Variants in TMEM38A observed in about 807,000 individuals in gnomAD.
TMEM38A encodes trimeric intracellular cation channel type A.
Under a neutral mutation model 28.6 loss-of-function variants are expected in TMEM38A, and 17 were observed. That is an observed-to-expected ratio of 0.60 (90% CI 0.41 to 0.89). The LOEUF is 0.89. Among genes scored for constraint, TMEM38A ranks in the 40% least tolerant of loss-of-function variants. TMEM38A has a pLI of 0.00. For missense variants in TMEM38A, 328 were observed against 393.1 expected (o/e 0.83, Z 1.40); for synonymous variants, 169 against 166.1 (o/e 1.02, Z -0.14).
intron 1 of TMEM38A, among the ~76,000 whole-genome samples, chr19:16,673,324 C>G (rs532612143): frequency 6.6e-6 from 1 of 152,152 alleles, no homozygotes; most frequent in South Asian, 2.1e-4. Flanking sequence ...TCAAGTGATC[C>G]GCCTGCCTTG....
intron 1 of TMEM38A, among the ~76,000 whole-genome samples, chr19:16,670,715 G>T (rs1030676355): frequency 1.3e-5 from 2 of 152,214 alleles, no homozygotes; most frequent in East Asian, 1.9e-4. Context: ...GAGGAAGGTG[G>T]ATCACCTGAG....
At chr19:16,686,166 A>G in intron 4 of TMEM38A, 122 bp from the exon 5 acceptor site, 1 of 669,944 alleles carries the variant, frequency 1.5e-6, no homozygotes, top group Non-Finnish European at 2.5e-6. Flanking sequence ...CCATCTCAAA[A>G]GGAAAAGAAA....
intron 4 of TMEM38A, among the ~76,000 whole-genome samples, chr19:16,685,945 T>C (rs1372327453): frequency 6.6e-6 from 1 of 152,164 alleles, no homozygotes; most frequent in Non-Finnish European, 1.5e-5. Flanking sequence ...AGCAGATCAC[T>C]TGAGGCCAGG....
chr19:16,679,836 C>T, intron 1 of TMEM38A, 148 bp from the exon 2 acceptor site: 1 of 786,280 alleles, frequency 1.3e-6, no homozygotes, highest in South Asian at 2.3e-5. Context: ...CGTACAGCCT[C>T]TCTGAACCTT....
At chr19:16,668,641 A>AC (rs2086713743) in intron 1 of TMEM38A, among the ~76,000 whole-genome samples, 1 of 151,836 alleles carries the variant, frequency 6.6e-6, no homozygotes. Context: ...CACCCGGCCA[A>AC]CCACTGATCT....
chr19:16,679,275 GTGTGTGT>G, intron 1 of TMEM38A, among the ~76,000 whole-genome samples: 1 of 140,410 alleles, frequency 7.1e-6, no homozygotes. Flanking sequence ...GTGTGTGTGT[GTGTGTGT>G]GTGTGTGTGT....
chr19:16,683,939 C>T (rs1375658835), intron 4 of TMEM38A, among the ~76,000 whole-genome samples: 2 of 150,234 alleles, frequency 1.3e-5, no homozygotes, highest in East Asian at 2.0e-4. Flanking sequence ...TATTGCACTC[C>T]AGCCTGGGCA....
Position 16,680,081 on chromosome 19 carries a change from G to A in TMEM38A, c.222G>A (p.Gly74=). 6.2e-7 allele frequency: 1 copy of A among 1,611,400 alleles called. No individual in the cohort carries two copies. The part of the protein sequence containing the change: ...GSYILADLLL[G]EPLIDYFSNN... ...ACATCCTGGCTGATCTGCTCCTTGGGGAGCCACTGATCGATTACTTCAGCA... is the reference window on the plus strand; with the variant it reads ...ACATCCTGGCTGATCTGCTCCTTGGAGAGCCACTGATCGATTACTTCAGCA... Residue 74 remains glycine (G), a synonymous_variant, in exon 2 of 6, where the codon GGG becomes GGA. Transcript: ENST00000187762.
intron 1 of TMEM38A, among the ~76,000 whole-genome samples, chr19:16,665,891 C>A (rs1016996837): frequency 1.3e-5 from 2 of 151,768 alleles, no homozygotes; most frequent in South Asian, 4.2e-4. Context: ...TCACTGCAAC[C>A]TTCACCTCCC....
intron 3 of TMEM38A, among the ~76,000 whole-genome samples, chr19:16,681,345 G>A (rs1026085388): frequency 2.0e-5 from 3 of 152,028 alleles, no homozygotes; most frequent in East Asian, 3.8e-4. Context: ...AATAAAGAAC[G>A]TTTTATAATG....
In TMEM38A at chr19:16,680,532, C is replaced by G; in HGVS notation, c.417C>G (p.His139Gln). Residue 139 changes from histidine (H) to glutamine (Q), a missense_variant, in exon 3 of 6, where the codon CAC becomes CAG. His to Gln is a conservative substitution (Grantham distance 24). Coordinates refer to ENST00000187762, the MANE Select transcript of TMEM38A (RefSeq NM_024074.4). ...KIAVGIHHAH[H>Q]HYHHGWFVMI... ...CGGTGGGCATCCATCACGCCCATCA[C>G]CACTACCACCACGGGTGGTTCGTCA... 6.2e-7 allele frequency: 1 copy of G among 1,614,174 alleles called. No homozygotes were observed. Among genetic ancestry groups the G allele is most frequent in the Non-Finnish European group, 8.5e-7 (1 of 1,180,016 alleles).
intron 3 of TMEM38A, among the ~76,000 whole-genome samples, chr19:16,681,851 T>A (rs1278779012): frequency 6.6e-6 from 1 of 152,198 alleles, no homozygotes; most frequent in East Asian, 1.9e-4. Context: ...GGCACCCAGT[T>A]GGTGCAGCAG....
intron 1 of TMEM38A, among the ~76,000 whole-genome samples, chr19:16,670,418 G>T (rs1290271318): frequency 6.6e-6 from 1 of 151,954 alleles, no homozygotes; most frequent in African/African-American, 2.4e-5. Flanking sequence ...GGGATTACAG[G>T]CATGAGCTAC....
At position 16,688,140 on chromosome 19, in the gene TMEM38A, T is replaced by C. The variant is rs767158222; in HGVS notation, c.673-4T>C. 1 of 1,436,392 alleles carries C rather than the reference T, an allele frequency of 7.0e-7. No homozygotes were observed. The highest frequency in any genetic ancestry group is 9.2e-7 in the Non-Finnish European group (1 of 1,086,654). 89.0% of individuals were successfully genotyped at this position (1,436,392 alleles called of 1,614,324 possible). ...TTGCTGTCTCCCTGGCCACCCCACC[T>C]CAGGTGTTTCTGACAGCCACCCACT... On this transcript the variant is annotated splice_polypyrimidine_tract_variant and splice_region_variant and intron_variant, in intron 5 of 5. Transcript: ENST00000187762.
chr19:16,680,076 C>T lies in TMEM38A; in HGVS notation c.217C>T (p.Leu73Phe), dbSNP rs977056636. 6.2e-7 allele frequency: 1 copy of T among 1,611,494 alleles called. No individual in the cohort carries two copies. Among genetic ancestry groups the T allele is most frequent in the African/African-American group, 1.3e-5 (1 of 75,068 alleles). Reference sequence around the variant, plus strand: ...GAGCTACATCCTGGCTGATCTGCTCCTTGGGGAGCCACTGATCGATTACTT... The same window carrying T: ...GAGCTACATCCTGGCTGATCTGCTCTTTGGGGAGCCACTGATCGATTACTT... ...FGSYILADLL[L>F]GEPLIDYFSN... Residue 73 changes from leucine (L) to phenylalanine (F), a missense_variant, in exon 2 of 6, where the codon CTT becomes TTT. Coordinates refer to ENST00000187762, the MANE Select transcript of TMEM38A (RefSeq NM_024074.4).
intron 1 of TMEM38A, among the ~76,000 whole-genome samples, chr19:16,669,358 C>T (rs1568313269): frequency 6.6e-6 from 1 of 151,534 alleles, no homozygotes; most frequent in Non-Finnish European, 1.5e-5. Context: ...AGGTGCCCGC[C>T]ACCATGCCCA....
At chr19:16,667,435 G>A (rs556872737) in intron 1 of TMEM38A, among the ~76,000 whole-genome samples, 2 of 152,328 alleles carry the variant, frequency 1.3e-5, no homozygotes, top group South Asian at 2.1e-4. Context: ...AGTGCTGGCT[G>A]CAAAACTGAA....
chr19:16,690,023 A>G lies in TMEM38A; in HGVS notation c.*1652A>G, dbSNP rs1343948656. ...GCAGCCAATAAATCATTGTGAATGA[A>G]CCCTCATGGCTTGTCTGATTTATGC... On this transcript the variant is annotated 3_prime_UTR_variant, in exon 6 of 6. Transcript: ENST00000187762. 4 of 151,488 alleles carry G rather than the reference A, an allele frequency of 2.6e-5. No individual in the cohort carries two copies. The highest frequency in any genetic ancestry group is 6.6e-5 in the Admixed American group (1 of 15,182). 9.4% of individuals were successfully genotyped at this position (151,488 alleles called of 1,614,324 possible). A position where few individuals can be genotyped will look rare whatever the true frequency, so the allele number is the denominator to read the frequency against.
chr19:16,662,237 G>A (rs1048690525), intron 1 of TMEM38A, among the ~76,000 whole-genome samples: 2 of 151,616 alleles, frequency 1.3e-5, no homozygotes, highest in African/African-American at 4.8e-5. Context: ...CCACTTAGAT[G>A]TAAATTACCA....
Sources: allele counts gnomAD v4.1 joint callset (sites outside exome capture counted in the v4.1 genomes callset), GRCh38; gene constraint gnomAD v4.1.1; transcripts MANE v1.5; gene names NCBI Gene and HGNC (gene_info 2026-07-23, HGNC 2026-07-21).